The following RPH3A variants were observed in gnomAD, a reference collection of about 807,000 sequenced individuals.
RPH3A encodes the protein rabphilin 3A, also known as rabphilin-3A.
Under a neutral mutation model 102.2 loss-of-function variants are expected in RPH3A, and 48 were observed. That is an observed-to-expected ratio of 0.47 (90% CI 0.37 to 0.60). RPH3A has a LOEUF of 0.60. Ranked by LOEUF, RPH3A falls within the 20% of genes least tolerant of loss-of-function variation. The pLI, the probability that RPH3A is intolerant of heterozygous loss-of-function variation, is 0.00. For synonymous variants in RPH3A, 310 were observed against 324.3 expected (o/e 0.96, Z 0.47); for missense variants, 781 against 910.1 (o/e 0.86, Z 1.83).
At chr12:112,750,252 G>A (rs975373297) in intron 1 of RPH3A, among the ~76,000 whole-genome samples, 3 of 152,198 alleles carry the variant, frequency 2.0e-5, no homozygotes, top group South Asian at 4.1e-4. Context: ...GGGTTCCTAC[G>A]AAATAGACCC....
At chr12:112,868,385 A>C in intron 7 of RPH3A, 45 bp from the exon 8 acceptor site, 1 of 1,594,586 alleles carries the variant, frequency 6.3e-7, no homozygotes, top group East Asian at 2.2e-5. Flanking sequence ...TAAGAGCAAC[A>C]GCGCTTGGCT....
At chr12:112,636,458 A>T (rs560387567) in intron 1 of RPH3A, among the ~76,000 whole-genome samples, 1 of 152,302 alleles carries the variant, frequency 6.6e-6, no homozygotes, top group African/African-American at 2.4e-5. Context: ...AAACATTTAA[A>T]AATATGCAGG....
intron 1 of RPH3A, among the ~76,000 whole-genome samples, chr12:112,605,968 A>T (rs182149465): frequency 1.6e-4 from 24 of 152,306 alleles, no homozygotes; most frequent in Admixed American, 4.6e-4. Flanking sequence ...GGTCATTCAT[A>T]TGGAGTGTAT....
At chr12:112,857,241 A>C (rs933672572) in intron 5 of RPH3A, among the ~76,000 whole-genome samples, 1 of 152,144 alleles carries the variant, frequency 6.6e-6, no homozygotes, top group Admixed American at 6.6e-5. Context: ...TTCAGACCCA[A>C]ATCAGGCTCT....
chr12:112,755,035 C>A (rs1162619031), intron 1 of RPH3A, among the ~76,000 whole-genome samples: 1 of 152,178 alleles, frequency 6.6e-6, no homozygotes, highest in Non-Finnish European at 1.5e-5. Context: ...TGCTTATTGA[C>A]AACTTTATCC....
At chr12:112,617,158 C>A (rs2039686646) in intron 1 of RPH3A, among the ~76,000 whole-genome samples, 1 of 152,226 alleles carries the variant, frequency 6.6e-6, no homozygotes, top group African/African-American at 2.4e-5. Flanking sequence ...TTGTCCCCTG[C>A]TTTCCTTAGG....
chr12:112,661,245 T>C (rs944774227), intron 1 of RPH3A, among the ~76,000 whole-genome samples: 4 of 152,126 alleles, frequency 2.6e-5, no homozygotes, highest in African/African-American at 9.7e-5. Context: ...AGCTTTTTGG[T>C]GCCTCAGTTT....
intron 12 of RPH3A, 108 bp from the exon 13 acceptor site, chr12:112,876,534 C>T: frequency 1.3e-6 from 1 of 787,340 alleles, no homozygotes; most frequent in Non-Finnish European, 2.0e-6. Context: ...TGCATATCCA[C>T]TGATTCCGGG....
Position 112,890,944 on chromosome 12 carries a change from A to G in RPH3A, c.1716A>G (p.Ile572Met). The change falls in exon 19 of 22, where the codon ATA becomes ATG. Residue 572 changes from isoleucine (I) to methionine (M), a missense_variant. Physicochemically the swap from Ile to Met is conservative, Grantham distance 10 (BLOSUM62 1). Transcript: ENST00000389385. ...AGGGAGGCCTCATTGTGGGCATCAT[A>G]CGCTGCGTGCACCTGGCTGCCATGG... ...TQQGGLIVGI[I>M]RCVHLAAMDA... 1 of 1,614,130 alleles carries G rather than the reference A, an allele frequency of 6.2e-7. No homozygotes were observed. The highest frequency in any genetic ancestry group is 8.5e-7 in the Non-Finnish European group (1 of 1,180,018).
chr12:112,786,378 C>A (rs544367568), intron 1 of RPH3A, among the ~76,000 whole-genome samples: 8 of 152,304 alleles, frequency 5.3e-5, no homozygotes, highest in African/African-American at 1.9e-4. Context: ...CTCTCTGTCT[C>A]GTGTTCTTTC....
chr12:112,651,201 A>C (rs566708566), intron 1 of RPH3A, among the ~76,000 whole-genome samples: 5 of 152,140 alleles, frequency 3.3e-5, no homozygotes, highest in Admixed American at 2.6e-4. Flanking sequence ...TCCTAAAAAA[A>C]ACAAAACAAA....
chr12:112,732,190 C>T (rs1471792323), intron 1 of RPH3A, among the ~76,000 whole-genome samples: 2 of 151,992 alleles, frequency 1.3e-5, no homozygotes, highest in African/African-American at 4.8e-5. Context: ...AGAATGATGC[C>T]CAAGGGAAAA....
At chr12:112,766,075 C>T (rs1310809522) in intron 1 of RPH3A, among the ~76,000 whole-genome samples, 1 of 151,972 alleles carries the variant, frequency 6.6e-6, no homozygotes, top group Non-Finnish European at 1.5e-5. Flanking sequence ...CATGGCACCC[C>T]CAAATGCCAG....
At chr12:112,875,650 A>G (rs774579820) in intron 11 of RPH3A, 29 bp from the exon 12 acceptor site, 1 of 1,594,212 alleles carries the variant, frequency 6.3e-7, no homozygotes, top group East Asian at 2.2e-5. Flanking sequence ...TCTCTGCTGC[A>G]TCTCTGTTTG....
intron 2 of RPH3A, among the ~76,000 whole-genome samples, chr12:112,812,050 GAA>G (rs779523556): frequency 6.3e-5 from 8 of 126,760 alleles, no homozygotes; most frequent in African/African-American, 1.7e-4. Context: ...CAGTTTAGCA[GAA>G]AAAAAAAAAA....
At chr12:112,611,479 T>G (rs2039638247) in intron 1 of RPH3A, among the ~76,000 whole-genome samples, 1 of 152,162 alleles carries the variant, frequency 6.6e-6, no homozygotes, top group Non-Finnish European at 1.5e-5. Context: ...TGGATTGTTT[T>G]TTTTTCGGGA....
At chr12:112,832,157 C>T (rs1380879791) in intron 3 of RPH3A, among the ~76,000 whole-genome samples, 3 of 152,010 alleles carry the variant, frequency 2.0e-5, no homozygotes, top group African/African-American at 7.2e-5. Context: ...TCTGTTCTCT[C>T]CTTCGTATTT....
chr12:112,855,355 A>G (rs2042393824), intron 5 of RPH3A, among the ~76,000 whole-genome samples: 1 of 152,150 alleles, frequency 6.6e-6, no homozygotes, highest in Non-Finnish European at 1.5e-5. Context: ...AGAAACAACA[A>G]TCACAACTAT....
intron 1 of RPH3A, among the ~76,000 whole-genome samples, chr12:112,661,771 A>C (rs1233414902): frequency 6.6e-6 from 1 of 151,610 alleles, no homozygotes; most frequent in Non-Finnish European, 1.5e-5. Context: ...TCTGTGAGCA[A>C]TTAAGGAAGT....
Sources: gnomAD v4.1 joint callset for allele counts (sites outside exome capture counted in the v4.1 genomes callset) on GRCh38, gnomAD v4.1.1 for gene constraint, MANE v1.5 for transcripts, NCBI Gene and HGNC (gene_info 2026-07-23, HGNC 2026-07-21) for gene names.